GAS7: variants seen among roughly 807,000 people sequenced by gnomAD.
GAS7 encodes growth arrest-specific protein 7.
A neutral mutation model predicts 71.1 loss-of-function variants in GAS7; 28 were observed. The observed-to-expected ratio is 0.39, with a 90% CI of 0.29 to 0.54. GAS7 has a LOEUF of 0.54. Ranked by LOEUF, GAS7 falls within the 20% of genes least tolerant of loss-of-function variation. The pLI is 0.62. For missense variants in GAS7, 436 were observed against 627.8 expected, an observed-to-expected ratio of 0.69 and a Z score of 3.27; for synonymous variants, 258 against 245.8, an observed-to-expected ratio of 1.05 and a Z score of -0.46.
At chr17:9,933,491 G>A (rs912082449) in intron 9 of GAS7, among the ~76,000 whole-genome samples, 4 of 152,092 alleles carry the variant, frequency 2.6e-5, no homozygotes, top group Middle Eastern at 3.4e-3. Flanking sequence ...TGTTAAACAC[G>A]GCCATTATCA....
intron 1 of GAS7, among the ~76,000 whole-genome samples, chr17:10,146,015 C>T (rs1199007405): frequency 1.3e-5 from 2 of 152,118 alleles, no homozygotes; most frequent in Admixed American, 6.5e-5. Context: ...TCAGGTCCTG[C>T]GCTGATGGAC....
chr17:10,057,228 G>A (rs2073152801), intron 1 of GAS7, among the ~76,000 whole-genome samples: 1 of 152,202 alleles, frequency 6.6e-6, no homozygotes. Context: ...CGTCTAGGAA[G>A]TGAGGAGCGT....
chr17:10,198,600 C>A lies in GAS7; in HGVS notation c.-210G>T, dbSNP rs907268086. The A allele has an allele frequency of 5.2e-5, 18 of 347,620 alleles. No homozygotes were observed. Among genetic ancestry groups the A allele is most frequent in the Admixed American group, 4.9e-4 (10 of 20,506 alleles). The allele number at this position is 347,620 out of a possible 1,614,324, so 21.5% of individuals were successfully genotyped here. ...AGACTCGTTGGCTTCGCAGAGCGAG[C>A]GGCGACGCCCCCGGGCCGGGCAGCT... On this transcript the variant is annotated 5_prime_UTR_variant, in exon 1 of 14. Coordinates refer to ENST00000432992, the MANE Select transcript of GAS7 (RefSeq NM_201433.2).
intron 1 of GAS7, among the ~76,000 whole-genome samples, chr17:10,139,242 T>A (rs1215690082): frequency 6.6e-6 from 1 of 152,240 alleles, no homozygotes; most frequent in African/African-American, 2.4e-5. Context: ...ATAACCAATT[T>A]TAAAACATAA....
At chr17:10,182,411 C>T (rs1273944346) in intron 1 of GAS7, among the ~76,000 whole-genome samples, 14 of 152,338 alleles carry the variant, frequency 9.2e-5, no homozygotes, top group Admixed American at 2.0e-4. Flanking sequence ...CCACACACCT[C>T]GGCCTCCCAA....
chr17:9,968,526 C>T (rs1255267970), intron 4 of GAS7, among the ~76,000 whole-genome samples: 1 of 152,220 alleles, frequency 6.6e-6, no homozygotes, highest in Non-Finnish European at 1.5e-5. Context: ...AAGCCCAACA[C>T]TCAGCATCCT....
chr17:9,943,011 C>A, intron 7 of GAS7, 110 bp downstream of exon 7: 1 of 680,254 alleles, frequency 1.5e-6, no homozygotes, highest in Non-Finnish European at 2.6e-6. Context: ...GCTAACCAGC[C>A]CAATGCTGAG....
At chr17:10,163,552 T>G (rs1395675983) in intron 1 of GAS7, among the ~76,000 whole-genome samples, 1 of 151,712 alleles carries the variant, frequency 6.6e-6, no homozygotes, top group East Asian at 1.9e-4. Context: ...TTGAAAGAAA[T>G]AAAAAGGCAT....
chr17:10,031,361 G>T, intron 1 of GAS7, among the ~76,000 whole-genome samples: 1 of 152,232 alleles, frequency 6.6e-6, no homozygotes, highest in South Asian at 2.1e-4. Context: ...CTGCAGCAAG[G>T]ATACAGGAAG....
At chr17:10,013,144 G>A in intron 2 of GAS7, among the ~76,000 whole-genome samples, 1 of 151,586 alleles carries the variant, frequency 6.6e-6, no homozygotes, top group East Asian at 1.9e-4. Context: ...AAACCCAGAG[G>A]ATCTTGTTTG....
At chr17:10,165,765 G>A (rs7226125) in intron 1 of GAS7, among the ~76,000 whole-genome samples, 43,636 of 151,920 alleles carry the variant, frequency 0.29, 6,606 homozygotes, top group East Asian at 0.53. Context: ...AAGGGGGCAT[G>A]AGACTTGAGG....
At chr17:10,161,097 T>C (rs1418313028) in intron 1 of GAS7, among the ~76,000 whole-genome samples, 1 of 152,200 alleles carries the variant, frequency 6.6e-6, no homozygotes, top group Non-Finnish European at 1.5e-5. Flanking sequence ...TTTGTTTGTT[T>C]GTTTGCGGTT....
At chr17:10,013,002 C>A (rs536978835) in intron 2 of GAS7, among the ~76,000 whole-genome samples, 1 of 151,846 alleles carries the variant, frequency 6.6e-6, no homozygotes, top group East Asian at 1.9e-4. Context: ...ACTCGGGAGG[C>A]CGAGGCAGGA....
rs1310082510 is a variant in GAS7 at position 9,917,058 on chromosome 17, G to A, written c.*170C>T. 2.1e-5 allele frequency: 13 copies of A among 606,966 alleles called. No individual in the cohort carries two copies. In the East Asian group the frequency reaches 3.6e-4, roughly 17 times the overall value. The allele number at this position is 606,966 out of a possible 1,614,324, so 37.6% of individuals were successfully genotyped here. A position where few individuals can be genotyped will look rare whatever the true frequency, so the allele number is the denominator to read the frequency against. On this transcript the variant is annotated 3_prime_UTR_variant, in exon 14 of 14. Transcript: ENST00000432992. ...GTCTGTCTTCTGGGCCTGGGAATAT[G>A]GGGGAGCCCCCAGCTAGGCTGTCCG...
intron 1 of GAS7, among the ~76,000 whole-genome samples, chr17:10,072,143 A>C (rs1311700653): frequency 6.6e-6 from 1 of 151,994 alleles, no homozygotes; most frequent in Non-Finnish European, 1.5e-5. Flanking sequence ...CCCCTGTCCC[A>C]TTAAACCAGG....
At position 9,969,086 on chromosome 17, in the gene GAS7, A is replaced by G. The variant is rs1031680738; in HGVS notation, c.471+591T>C. On this transcript the variant is annotated intron_variant, in intron 4 of 13. Coordinates refer to ENST00000432992, the MANE Select transcript of GAS7 (RefSeq NM_201433.2). This position sits in a 1 kb window ranked among gnomAD's most constrained non-coding sequence, Gnocchi z 5.5. The stretch of plus-strand genomic sequence containing the variant: ...GTAATCCTGTGAGCCTGCACAGGTC[A>G]CAAAACCAGTTGGAGCCTCGGTGAC... Among the ~76,000 whole-genome samples, 12 of 152,242 alleles carry G rather than the reference A, an allele frequency of 7.9e-5. No homozygotes were observed. The highest frequency in any genetic ancestry group is 2.9e-4 in the African/African-American group (12 of 41,470).
At chr17:10,095,650 T>C (rs1362097873) in intron 1 of GAS7, among the ~76,000 whole-genome samples, 1 of 151,844 alleles carries the variant, frequency 6.6e-6, no homozygotes, top group East Asian at 1.9e-4. Flanking sequence ...TGAAACCCTG[T>C]CTCTTCCAAA....
At chr17:9,949,261 G>A (rs988122388) in intron 5 of GAS7, among the ~76,000 whole-genome samples, 4 of 152,178 alleles carry the variant, frequency 2.6e-5, no homozygotes, top group Admixed American at 6.5e-5. Flanking sequence ...GCCAAGTGTC[G>A]TCAAGCCCTT....
intron 1 of GAS7, among the ~76,000 whole-genome samples, chr17:10,107,110 C>A (rs1044953522): frequency 3.9e-5 from 6 of 152,196 alleles, no homozygotes; most frequent in African/African-American, 1.4e-4. Context: ...ACCAGCCCTG[C>A]CGACACCTTA....
Sources: allele counts gnomAD v4.1 joint callset (sites outside exome capture counted in the v4.1 genomes callset), GRCh38; gene constraint gnomAD v4.1.1; non-coding constraint Gnocchi (gnomAD v3.1); transcripts MANE v1.5; gene names NCBI Gene and HGNC (gene_info 2026-07-23, HGNC 2026-07-21).